Variants in SENP5 observed in about 807,000 individuals in gnomAD.
SENP5 encodes the protein SUMO specific peptidase 5.
A neutral mutation model predicts 74.2 loss-of-function variants in SENP5; 21 were observed. The ratio of observed to expected loss-of-function variants is 0.28; its 90% CI spans 0.20 to 0.41. The LOEUF is 0.41. Among genes scored for constraint, SENP5 ranks in the 10% least tolerant of loss-of-function variants. The pLI, the probability that SENP5 is intolerant of heterozygous loss-of-function variation, is 1.00. For synonymous variants in SENP5, 311 were observed against 312.7 expected (o/e 0.99, Z 0.06); for missense variants, 717 against 889.1 (o/e 0.81, Z 2.46).
chr3:196,892,726 C>G (rs142951277), intron 2 of SENP5, among the ~76,000 whole-genome samples: 1,664 of 151,570 alleles, frequency 0.011, 21 homozygotes, highest in African/African-American at 0.032. Context: ...TCTGCCCCAC[C>G]CCCAGCCCCT....
At chr3:196,926,430 C>T (rs1229264361) in intron 7 of SENP5, among the ~76,000 whole-genome samples, 4 of 149,576 alleles carry the variant, frequency 2.7e-5, no homozygotes, top group Admixed American at 1.3e-4. Flanking sequence ...TGCAGCGAGC[C>T]GAGATCGCAC....
At chr3:196,911,724 C>T (rs988834567) in intron 6 of SENP5, among the ~76,000 whole-genome samples, 10 of 151,896 alleles carry the variant, frequency 6.6e-5, no homozygotes, top group South Asian at 2.1e-4. Context: ...GCAGGAGAAT[C>T]GCTTGAACCT....
chr3:196,876,337 C>T (rs1043885716), intron 1 of SENP5, among the ~76,000 whole-genome samples: 4 of 151,916 alleles, frequency 2.6e-5, no homozygotes, highest in Non-Finnish European at 5.9e-5. Flanking sequence ...TCCTTGCTAA[C>T]ACAGTGAAAC....
At chr3:196,910,934 CTCA>C (rs946580510) in intron 6 of SENP5, among the ~76,000 whole-genome samples, 3 of 152,150 alleles carry the variant, frequency 2.0e-5, no homozygotes, top group African/African-American at 7.2e-5. Flanking sequence ...ACACAACCAT[CTCA>C]TCATTGACAA....
rs1481702654 is a variant in SENP5, at chr3:196,934,288, C to G, written c.*3365C>G. On this transcript the variant is annotated 3_prime_UTR_variant, in exon 10 of 10. Transcript: ENST00000323460. ...TAACTGGGACTCAGCCAGCACTAGC[C>G]TCATCTTAGCTGCCCCTTTTCTCTG... is the stretch of plus-strand genomic sequence containing the variant. The G allele has an allele frequency of 3.3e-5, 5 of 152,250 alleles. No individual in the cohort carries two copies. Among genetic ancestry groups the G allele is most frequent in the Non-Finnish European group, 7.3e-5 (5 of 68,058 alleles). The allele number at this position is 152,250 out of a possible 1,614,324, so 9.4% of individuals were successfully genotyped here. A position where few individuals can be genotyped will look rare whatever the true frequency, so the allele number is the denominator to read the frequency against.
chr3:196,914,837 C>T (rs1057354019), intron 6 of SENP5, among the ~76,000 whole-genome samples: 3 of 151,882 alleles, frequency 2.0e-5, no homozygotes, highest in South Asian at 2.1e-4. Flanking sequence ...AAAGAGGCAT[C>T]GAAGAGGGTA....
intron 2 of SENP5, among the ~76,000 whole-genome samples, chr3:196,896,993 A>G (rs1432875050): frequency 6.6e-6 from 1 of 152,218 alleles, no homozygotes; most frequent in African/African-American, 2.4e-5. Context: ...GAAAATAAAG[A>G]TACAGATAAG....
rs1467842471 is a variant in SENP5, at chr3:196,931,107, G to A, written c.*184G>A. 1 of 559,252 alleles carries A rather than the reference G, an allele frequency of 1.8e-6. No homozygotes were observed. Among genetic ancestry groups the A allele is most frequent in the East Asian group, 3.0e-5 (1 of 33,588 alleles). 34.6% of individuals were successfully genotyped at this position (559,252 alleles called of 1,614,324 possible). On this transcript the variant is annotated 3_prime_UTR_variant, in exon 10 of 10. Coordinates refer to ENST00000323460, the MANE Select transcript of SENP5 (RefSeq NM_152699.5). ...CAGCTACCATGTACTATTGTTTAAT[G>A]TTCAGTTTGGTTTCATTTTTAATTT...
intron 1 of SENP5, among the ~76,000 whole-genome samples, chr3:196,874,292 C>T (rs962343993): frequency 4.0e-5 from 6 of 150,780 alleles, no homozygotes; most frequent in African/African-American, 1.5e-4. Flanking sequence ...TAAGAATCTC[C>T]ACTAAAAAAA....
intron 6 of SENP5, among the ~76,000 whole-genome samples, chr3:196,907,401 A>G (rs1000014043): frequency 2.7e-5 from 4 of 150,520 alleles, no homozygotes; most frequent in African/African-American, 9.8e-5. Flanking sequence ...GCTTGCAGTG[A>G]GCCAAGATCG....
intron 2 of SENP5, among the ~76,000 whole-genome samples, chr3:196,888,780 T>G (rs1714085685): frequency 6.6e-6 from 1 of 152,054 alleles, no homozygotes; most frequent in Non-Finnish European, 1.5e-5. Context: ...TCTTGGTAGT[T>G]GAAACAGTTC....
At chr3:196,869,070 A>G (rs1387126371) in intron 1 of SENP5, among the ~76,000 whole-genome samples, 2 of 151,842 alleles carry the variant, frequency 1.3e-5, no homozygotes, top group Non-Finnish European at 2.9e-5. Flanking sequence ...TTATTGGTAT[A>G]TGAGGGATGG....
chr3:196,900,317 A>C, intron 4 of SENP5, 48 bp from the exon 5 acceptor site: 2 of 1,540,100 alleles, frequency 1.3e-6, no homozygotes, highest in Non-Finnish European at 1.8e-6. Flanking sequence ...TCTTTCTCCA[A>C]CTTAACTGGC....
At chr3:196,920,442 G>A (rs1306290706) in intron 6 of SENP5, among the ~76,000 whole-genome samples, 3 of 152,100 alleles carry the variant, frequency 2.0e-5, no homozygotes, top group Non-Finnish European at 4.4e-5. Context: ...GAGCTTTTTT[G>A]TATATTCTGT....
At chr3:196,905,202 A>G (rs1052422197) in intron 6 of SENP5, 1 of 152,142 alleles carries the variant, frequency 6.6e-6, no homozygotes, top group Non-Finnish European at 1.5e-5. Context: ...CGTGCCCGGC[A>G]TTAAACATTT....
chr3:196,899,976 T>C lies in SENP5; in HGVS notation c.1672T>C (p.Cys558Arg). 6.2e-7 allele frequency: 1 copy of C among 1,614,130 alleles called. No homozygotes were observed. Among genetic ancestry groups the C allele is most frequent in the Non-Finnish European group, 8.5e-7 (1 of 1,180,018 alleles). The change falls in exon 4 of 10, where the codon TGT (cysteine) becomes CGT (arginine). Residue 558 changes from cysteine to arginine, a missense_variant. Coordinates refer to ENST00000323460, the MANE Select transcript of SENP5 (RefSeq NM_152699.5). ...ITNYRARHQK[C>R]NFRIFYNKHM... ...AAACTATCGGGCCAGACATCAAAAA[T>C]GTAACTTCCGTATCTTCTATAATAA...
chr3:196,895,498 C>CT (rs35695598), intron 2 of SENP5, among the ~76,000 whole-genome samples: 99,462 of 151,642 alleles, frequency 0.66, 33,681 homozygotes, highest in Non-Finnish European at 0.74. Flanking sequence ...ACTTTAACTT[C>CT]TTTTTTTTAA....
At chr3:196,918,642 A>C (rs1395559959) in intron 6 of SENP5, among the ~76,000 whole-genome samples, 3 of 152,178 alleles carry the variant, frequency 2.0e-5, no homozygotes. Flanking sequence ...ACAAAATGGC[A>C]GTAGGAAGTC....
chr3:196,898,743 C>T (rs953648965), intron 2 of SENP5, among the ~76,000 whole-genome samples: 21 of 151,626 alleles, frequency 1.4e-4, no homozygotes, highest in Non-Finnish European at 2.7e-4. Context: ...TGAAACCCCT[C>T]GATGATAGTT....
Sources: allele counts gnomAD v4.1 joint callset (sites outside exome capture counted in the v4.1 genomes callset), GRCh38; gene constraint gnomAD v4.1.1; transcripts MANE v1.5; gene names NCBI Gene and HGNC (gene_info 2026-07-23, HGNC 2026-07-21).